The following NECTIN3 variants were observed in gnomAD, a reference collection of about 807,000 sequenced individuals.
NECTIN3 encodes nectin-3.
A neutral mutation model predicts 49.4 loss-of-function variants in NECTIN3; 8 were observed. That is an observed-to-expected ratio of 0.16 (90% confidence interval 0.10 to 0.29). The LOEUF (loss-of-function observed/expected upper bound fraction) is 0.29. NECTIN3 is among the 10% of genes least tolerant of loss of function. NECTIN3 has a pLI of 1.00. For synonymous variants in NECTIN3, 277 were observed against 241.1 expected (o/e 1.15, Z -1.38); for missense variants, 581 against 654.6 (o/e 0.89, Z 1.23).
chr3:111,072,378 G>C (rs1436609489), intron 1 of NECTIN3: 4 of 1,489,830 alleles, frequency 2.7e-6, no homozygotes, highest in Non-Finnish European at 3.5e-6. Flanking sequence ...CTGAGCCGGC[G>C]GCCCGCTGCC....
At chr3:111,117,776 G>A (rs2033751517) in intron 2 of NECTIN3, among the ~76,000 whole-genome samples, 1 of 152,004 alleles carries the variant, frequency 6.6e-6, no homozygotes, top group African/African-American at 2.4e-5. Context: ...TATGAAGTCA[G>A]TACTGAGGAA....
At chr3:111,183,194 A>C (rs2035657736) in intron 7 of NECTIN3, among the ~76,000 whole-genome samples, 1 of 152,020 alleles carries the variant, frequency 6.6e-6, no homozygotes, top group Admixed American at 6.5e-5. Context: ...ATCTTTTTTT[A>C]AAACTACAAA....
intron 1 of NECTIN3, among the ~76,000 whole-genome samples, chr3:111,103,513 T>A (rs1018188943): frequency 2.0e-5 from 3 of 151,756 alleles, no homozygotes; most frequent in Non-Finnish European, 2.9e-5. Flanking sequence ...GATTATTAGC[T>A]CCAGGAGTTT....
chr3:111,160,690 G>T (rs1190753866), intron 7 of NECTIN3, among the ~76,000 whole-genome samples: 1 of 152,062 alleles, frequency 6.6e-6, no homozygotes, highest in Non-Finnish European at 1.5e-5. Flanking sequence ...GGAAAAATTG[G>T]AACTAATGGG....
At chr3:111,077,485 A>G (rs1418847691) in intron 1 of NECTIN3, among the ~76,000 whole-genome samples, 1 of 152,006 alleles carries the variant, frequency 6.6e-6, no homozygotes, top group Non-Finnish European at 1.5e-5. Flanking sequence ...GTAAATAGCT[A>G]TTCTCAAATA....
chr3:111,147,371 G>C, intron 6 of NECTIN3: 1 of 1,303,514 alleles, frequency 7.7e-7, no homozygotes, highest in South Asian at 1.4e-5. Flanking sequence ...TCCTAAATGT[G>C]ACAATCACAT....
downstream of NECTIN3, among the ~76,000 whole-genome samples, chr3:111,138,006 C>T (rs2107501815): frequency 6.6e-6 from 1 of 151,574 alleles, no homozygotes; most frequent in African/African-American, 2.4e-5. Context: ...CTCTGTAGCC[C>T]TAGCTGTTAA....
chr3:111,186,199 A>G (rs1432551426), intron 7 of NECTIN3, among the ~76,000 whole-genome samples: 1 of 152,038 alleles, frequency 6.6e-6, no homozygotes, highest in East Asian at 1.9e-4. Context: ...TAGAATTAGG[A>G]AAAACTATTT....
At chr3:111,138,476 T>C, downstream of NECTIN3, among the ~76,000 whole-genome samples, 1 of 151,640 alleles carries the variant, frequency 6.6e-6, no homozygotes, top group East Asian at 1.9e-4. Flanking sequence ...GTAAAGTACA[T>C]ATATACTTTG....
intron 1 of NECTIN3, among the ~76,000 whole-genome samples, chr3:111,081,345 T>C (rs1200694319): frequency 6.6e-6 from 1 of 152,240 alleles, no homozygotes. Flanking sequence ...GCATCTGTTA[T>C]GTAGAAAGGA....
intron 7 of NECTIN3, among the ~76,000 whole-genome samples, chr3:111,160,924 G>A (rs2035200761): frequency 2.0e-5 from 3 of 152,194 alleles, no homozygotes; most frequent in South Asian, 4.1e-4. Context: ...GGAGAATGGC[G>A]TGAACCCAGG....
chr3:111,092,428 A>T lies in NECTIN3; in HGVS notation c.161-19602A>T, dbSNP rs370355312. On this transcript the variant is annotated intron_variant, in intron 1 of 5. Coordinates refer to ENST00000485303, the MANE Select transcript of NECTIN3 (RefSeq NM_015480.3). Reference sequence around the variant, plus strand: ...TTTCTTCTAGGAGTTTTTTAGTTGTACCTCTTATATTCAGCTCTATGATCC... The same window carrying T: ...TTTCTTCTAGGAGTTTTTTAGTTGTTCCTCTTATATTCAGCTCTATGATCC... Among the ~76,000 whole-genome samples, 19 of 152,166 alleles carry T rather than the reference A, an allele frequency of 1.2e-4. No homozygotes were observed. In the East Asian group the frequency reaches 3.5e-3, roughly 28 times the overall value.
chr3:111,126,516 G>A lies in NECTIN3; in HGVS notation c.1069+181G>A, dbSNP rs79199268. Among the ~76,000 whole-genome samples the A allele has an allele frequency of 6.6e-3, 1,000 of 152,194 alleles. 25 individuals are homozygous for A. The highest frequency in any genetic ancestry group is 0.041 in the East Asian group (211 of 5,188). On this transcript the variant is annotated intron_variant, in intron 5 of 5. Coordinates refer to ENST00000485303, the MANE Select transcript of NECTIN3 (RefSeq NM_015480.3). ...TCCTATCCTGAGATAGGTATGTAAT[G>A]TGGCATCCTTTATTGAAATGTCAAA...
At chr3:111,072,308 T>C in intron 1 of NECTIN3, 131 bp downstream of exon 1, 3 of 1,436,586 alleles carry the variant, frequency 2.1e-6, no homozygotes, top group Non-Finnish European at 2.7e-6. Context: ...CCGAGGACTT[T>C]GGCTGGAAAC....
intron 7 of NECTIN3, among the ~76,000 whole-genome samples, chr3:111,154,655 G>A (rs1461682317): frequency 6.6e-6 from 1 of 152,012 alleles, no homozygotes; most frequent in East Asian, 1.9e-4. Flanking sequence ...AACACTTATG[G>A]TCAGACATTA....
At chr3:111,182,115 G>A (rs976809775) in intron 7 of NECTIN3, among the ~76,000 whole-genome samples, 2 of 151,890 alleles carry the variant, frequency 1.3e-5, no homozygotes, top group African/African-American at 4.8e-5. Flanking sequence ...TTATTTAGAA[G>A]TATATTTTAC....
At chr3:111,074,717 T>C (rs2107347512) in intron 1 of NECTIN3, among the ~76,000 whole-genome samples, 1 of 152,186 alleles carries the variant, frequency 6.6e-6, no homozygotes, top group East Asian at 1.9e-4. Flanking sequence ...TTTTTGTTTT[T>C]AAGCCTAAGA....
At chr3:111,117,410 G>A (rs1192826406) in intron 2 of NECTIN3, among the ~76,000 whole-genome samples, 1 of 152,034 alleles carries the variant, frequency 6.6e-6, no homozygotes, top group Non-Finnish European at 1.5e-5. Flanking sequence ...TGTAGTAGAG[G>A]AATATGAGGG....
At chr3:111,114,804 T>A (rs775857737) in intron 2 of NECTIN3, among the ~76,000 whole-genome samples, 11 of 152,036 alleles carry the variant, frequency 7.2e-5, no homozygotes, top group Non-Finnish European at 1.0e-4. Context: ...ATACATGGAT[T>A]TTTTTTTCAA....
Sources: allele counts gnomAD v4.1 joint callset (sites outside exome capture counted in the v4.1 genomes callset), GRCh38; gene constraint gnomAD v4.1.1; transcripts MANE v1.5; gene names NCBI Gene and HGNC (gene_info 2026-07-23, HGNC 2026-07-21).